The following XKR6 variants were observed in gnomAD, a reference collection of about 807,000 sequenced individuals.
The protein encoded by XKR6 is XK related 6.
In XKR6, 22 loss-of-function variants were observed where a neutral mutation model predicts 56.7. That is an observed-to-expected ratio of 0.39 (90% confidence interval 0.28 to 0.55). The LOEUF is 0.55. Ranked by LOEUF, XKR6 falls within the 20% of genes least tolerant of loss-of-function variation. The pLI, the probability that XKR6 is intolerant of heterozygous loss-of-function variation, is 0.66. For synonymous variants in XKR6, 524 were observed against 387.8 expected (o/e 1.35, Z -4.13); for missense variants, 852 against 889.0 (o/e 0.96, Z 0.53).
chr8:11,133,518 G>A (rs775582162), intron 1 of XKR6, among the ~76,000 whole-genome samples: 1 of 152,058 alleles, frequency 6.6e-6, no homozygotes, highest in Non-Finnish European at 1.5e-5. Flanking sequence ...TTGAACTGGC[G>A]GGAATGCTGT....
At chr8:11,088,042 T>C (rs1273937255) in intron 1 of XKR6, among the ~76,000 whole-genome samples, 1 of 152,194 alleles carries the variant, frequency 6.6e-6, no homozygotes, top group East Asian at 1.9e-4. Context: ...AGGAATGTAG[T>C]AGGAAGAAAG....
At chr8:11,077,684 C>T (rs1436238841) in intron 1 of XKR6, among the ~76,000 whole-genome samples, 2 of 152,150 alleles carry the variant, frequency 1.3e-5, no homozygotes, top group Admixed American at 6.5e-5. Context: ...CCGCCCAGCT[C>T]CCTCTTATTA....
intron 1 of XKR6, among the ~76,000 whole-genome samples, chr8:11,163,929 TAGAG>T (rs1801946816): frequency 6.6e-6 from 1 of 152,116 alleles, no homozygotes; most frequent in South Asian, 2.1e-4. Flanking sequence ...AGGCCAAAAG[TAGAG>T]AGAGACATCA....
intron 1 of XKR6, chr8:11,194,408 T>C (rs974963654): frequency 6.6e-6 from 1 of 152,226 alleles, no homozygotes. Flanking sequence ...CAGTGGATTG[T>C]CTTTAGGCAA....
intron 1 of XKR6, among the ~76,000 whole-genome samples, chr8:11,181,747 C>T (rs1318514097): frequency 2.0e-5 from 3 of 152,164 alleles, no homozygotes; most frequent in South Asian, 2.1e-4. Context: ...ACATTCAGTA[C>T]GTACTTACTA....
chr8:11,023,823 G>A (rs1350335766), intron 1 of XKR6, among the ~76,000 whole-genome samples: 1 of 152,198 alleles, frequency 6.6e-6, no homozygotes, highest in Non-Finnish European at 1.5e-5. Context: ...TGAACCCTGT[G>A]CCTCTCTATG....
At chr8:10,964,873 T>C (rs1471379629) in intron 1 of XKR6, among the ~76,000 whole-genome samples, 1 of 152,238 alleles carries the variant, frequency 6.6e-6, no homozygotes, top group Non-Finnish European at 1.5e-5. Context: ...AGCCCACGTC[T>C]GTGAGAACTG....
chr8:11,002,695 G>T (rs1262666862), intron 1 of XKR6, among the ~76,000 whole-genome samples: 1 of 152,228 alleles, frequency 6.6e-6, no homozygotes, highest in African/African-American at 2.4e-5. Flanking sequence ...CCCAGGGGGT[G>T]GTGCGAGTTC....
intron 1 of XKR6, chr8:11,063,075 T>C (rs1377687915): frequency 9.0e-6 from 3 of 334,260 alleles, no homozygotes; most frequent in African/African-American, 6.5e-5. Flanking sequence ...ATTTAAATCC[T>C]ATTAAGGCTG....
intron 2 of XKR6, among the ~76,000 whole-genome samples, chr8:10,915,639 A>G (rs1800542257): frequency 6.6e-6 from 1 of 152,186 alleles, no homozygotes; most frequent in African/African-American, 2.4e-5. Context: ...AGTCTGTTAA[A>G]AATTCTTGCA....
chr8:11,111,612 GAAAAATGAGGTTCATAAGAACCCCAAA>G (rs1211463279), intron 1 of XKR6: 1 of 152,058 alleles, frequency 6.6e-6, no homozygotes. Context: ...AACTTCCTGG[GAAAAATGAGGTTCATAAGAACCCCAAA>G]ACCTTCAAAA....
intron 1 of XKR6, among the ~76,000 whole-genome samples, chr8:11,040,032 C>T (rs973405221): frequency 1.3e-5 from 2 of 152,232 alleles, no homozygotes; most frequent in Non-Finnish European, 2.9e-5. Context: ...ATCCCGCCAC[C>T]CTCTGCCTCC....
At chr8:10,992,108 A>G (rs1450302381) in intron 1 of XKR6, among the ~76,000 whole-genome samples, 1 of 152,176 alleles carries the variant, frequency 6.6e-6, no homozygotes, top group Non-Finnish European at 1.5e-5. Context: ...TGCACTATTC[A>G]GGGGATGGAA....
intron 1 of XKR6, among the ~76,000 whole-genome samples, chr8:11,130,596 C>T (rs1800056660): frequency 6.6e-6 from 1 of 151,408 alleles, no homozygotes; most frequent in African/African-American, 2.4e-5. Flanking sequence ...CTAAGACGGC[C>T]TTTTCTCCCT....
At chr8:11,169,857 T>C (rs910781329) in intron 1 of XKR6, among the ~76,000 whole-genome samples, 2 of 152,162 alleles carry the variant, frequency 1.3e-5, no homozygotes, top group Admixed American at 6.5e-5. Context: ...TTTAACACAA[T>C]AAAAATTTAA....
At chr8:10,972,728 T>A (rs1167280615) in intron 1 of XKR6, among the ~76,000 whole-genome samples, 2 of 152,186 alleles carry the variant, frequency 1.3e-5, no homozygotes, top group African/African-American at 4.8e-5. Flanking sequence ...GGGGAGTCAT[T>A]GTTTAGTGGG....
intron 1 of XKR6, among the ~76,000 whole-genome samples, chr8:11,155,966 C>A (rs1393304524): frequency 6.6e-6 from 1 of 152,194 alleles, no homozygotes; most frequent in Non-Finnish European, 1.5e-5. Flanking sequence ...TGAACTCAAC[C>A]CTTCCACCTT....
chr8:11,061,338 C>T (rs1191076322), intron 1 of XKR6, among the ~76,000 whole-genome samples: 1 of 152,118 alleles, frequency 6.6e-6, no homozygotes, highest in African/African-American at 2.4e-5. Flanking sequence ...TGATGGTGTG[C>T]ACCTGTAGTC....
rs143794400 is a variant in XKR6 at position 11,057,617 on chromosome 8, G to C, written c.765-132787C>G. Among the ~76,000 whole-genome samples the C allele has an allele frequency of 5.3e-5, 8 of 152,316 alleles. No individual in the cohort carries two copies. The East Asian group carries it at 1.5e-3, about 29-fold the overall frequency. ...GGCTGGGCGGGTGTAGTTTTGTTCA[G>C]CAGGAGTCCCTGTGTTGGGTGGAAT... On this transcript the variant is annotated intron_variant, in intron 1 of 2. Transcript: ENST00000416569.
Sources: gnomAD v4.1 joint callset for allele counts (sites outside exome capture counted in the v4.1 genomes callset) on GRCh38, gnomAD v4.1.1 for gene constraint, MANE v1.5 for transcripts, NCBI Gene and HGNC (gene_info 2026-07-23, HGNC 2026-07-21) for gene names.